PCDH11X: variants seen among roughly 807,000 people sequenced by gnomAD.
PCDH11X encodes protocadherin 11 X-linked.
A neutral mutation model predicts 53.3 loss-of-function variants in PCDH11X; 18 were observed. That is an observed-to-expected ratio of 0.34 (90% confidence interval 0.23 to 0.50). The LOEUF is 0.50. PCDH11X is among the 20% of genes least tolerant of loss of function. PCDH11X has a pLI of 0.98. For synonymous variants in PCDH11X, 279 were observed against 393.3 expected, an observed-to-expected ratio of 0.71 and a Z score of 3.44; for missense variants, 570 against 1,032.4, an observed-to-expected ratio of 0.55 and a Z score of 6.14.
intron 6 of PCDH11X, among the ~76,000 whole-genome samples, chrX:92,077,652 G>A (rs569520649): frequency 1.9e-5 from 2 of 107,101 alleles, no homozygotes; most frequent in South Asian, 8.0e-4. Flanking sequence ...AAGGAAGGAA[G>A]GAAGGAAGGA....
At chrX:92,474,283 T>C (rs1013380412) in intron 10 of PCDH11X, among the ~76,000 whole-genome samples, 23 of 111,122 alleles carry the variant, frequency 2.1e-4, no homozygotes, top group African/African-American at 7.5e-4. Context: ...TCTTTTTTAG[T>C]TTTTATTGGC....
chrX:91,944,991 G>A (rs2061554619), intron 6 of PCDH11X, among the ~76,000 whole-genome samples: 1 of 91,596 alleles, frequency 1.1e-5, no homozygotes, highest in Non-Finnish European at 2.2e-5. Flanking sequence ...TATATTAACT[G>A]CTTAGAATTG....
chrX:92,094,231 G>T (rs2064098573), intron 6 of PCDH11X, among the ~76,000 whole-genome samples: 1 of 104,640 alleles, frequency 9.6e-6, no homozygotes, highest in Admixed American at 1.1e-4. Context: ...TGGTTGTTTT[G>T]TTGACATCCC....
chrX:92,217,768 C>A (rs1353043218), intron 7 of PCDH11X, among the ~76,000 whole-genome samples: 2 of 111,236 alleles, frequency 1.8e-5, no homozygotes, highest in Non-Finnish European at 3.8e-5. Flanking sequence ...CAGCACCACA[C>A]CACAACTCTT....
At chrX:91,954,644 T>C (rs1290228504) in intron 6 of PCDH11X, among the ~76,000 whole-genome samples, 2 of 110,675 alleles carry the variant, frequency 1.8e-5, no homozygotes, top group African/African-American at 6.6e-5. Context: ...TTTTTAATAA[T>C]AGCCATTCTG....
At chrX:92,133,241 A>G (rs1259799484) in intron 6 of PCDH11X, among the ~76,000 whole-genome samples, 5 of 112,136 alleles carry the variant, frequency 4.5e-5, no homozygotes, top group African/African-American at 1.6e-4. Flanking sequence ...ATATTTTGCT[A>G]TTATCAAGTC....
At chrX:91,793,518 T>C (rs1935630753) in intron 1 of PCDH11X, among the ~76,000 whole-genome samples, 1 of 110,416 alleles carries the variant, frequency 9.1e-6, no homozygotes, top group South Asian at 3.9e-4. Context: ...CAGTAGTCAA[T>C]AGTGGACTAG....
intron 7 of PCDH11X, among the ~76,000 whole-genome samples, chrX:92,228,794 C>T (rs888596815): frequency 2.7e-5 from 3 of 112,011 alleles, no homozygotes; most frequent in Admixed American, 9.5e-5. Context: ...ATCTAGGCCA[C>T]TTGCACTATT....
chrX:92,146,298 C>T (rs1225985066), intron 6 of PCDH11X, among the ~76,000 whole-genome samples: 1 of 110,912 alleles, frequency 9.0e-6, no homozygotes, highest in Non-Finnish European at 1.9e-5. Flanking sequence ...GTCTATTAAA[C>T]TGGAAACTTG....
chrX:91,942,021 G>A (rs756120050), intron 6 of PCDH11X, among the ~76,000 whole-genome samples: 1 of 110,067 alleles, frequency 9.1e-6, no homozygotes, highest in Admixed American at 9.8e-5. Flanking sequence ...CAGAATTTCC[G>A]TGATGCTACT....
intron 6 of PCDH11X, among the ~76,000 whole-genome samples, chrX:92,013,500 A>G (rs1346955488): frequency 9.0e-6 from 1 of 111,632 alleles, no homozygotes; most frequent in Admixed American, 9.5e-5. Context: ...TCAAGCTACC[A>G]ATGACTTTCT....
At chrX:92,073,352 A>G (rs1163959527) in intron 6 of PCDH11X, among the ~76,000 whole-genome samples, 1 of 112,512 alleles carries the variant, frequency 8.9e-6, no homozygotes, top group Non-Finnish European at 1.9e-5. Context: ...ATAGGCTTCT[A>G]TTCCATCATC....
intron 6 of PCDH11X, among the ~76,000 whole-genome samples, chrX:92,047,302 TA>T (rs747416379): frequency 1.5e-4 from 16 of 107,063 alleles, no homozygotes; most frequent in Non-Finnish European, 3.0e-4. Context: ...GAAATGTAAA[TA>T]TTTTTGGTCC....
intron 8 of PCDH11X, among the ~76,000 whole-genome samples, chrX:92,291,872 A>AG (rs2068500263): frequency 3.2e-5 from 1 of 31,329 alleles, no homozygotes; most frequent in Non-Finnish European, 5.6e-5. Context: ...TGTCTCAAAA[A>AG]CAAAAAAAAA....
intron 7 of PCDH11X, among the ~76,000 whole-genome samples, chrX:92,204,348 A>G (rs188157890): frequency 6.3e-5 from 7 of 111,888 alleles, no homozygotes. Context: ...ACTCTTTGCC[A>G]CTTAGAAATT....
At chrX:91,990,997 T>C (rs1467326619) in intron 6 of PCDH11X, among the ~76,000 whole-genome samples, 1 of 104,404 alleles carries the variant, frequency 9.6e-6, no homozygotes, top group East Asian at 3.1e-4. Flanking sequence ...GCTTTGCACC[T>C]GAAAGGGGGA....
chrX:92,061,646 A>G (rs1365485531), intron 6 of PCDH11X, among the ~76,000 whole-genome samples: 1 of 109,200 alleles, frequency 9.2e-6, no homozygotes, highest in Admixed American at 9.9e-5. Context: ...CTTCTGTTCC[A>G]TTGGTCAGTG....
intron 6 of PCDH11X, among the ~76,000 whole-genome samples, chrX:92,051,817 T>G (rs915736036): frequency 5.4e-5 from 6 of 110,787 alleles, no homozygotes; most frequent in African/African-American, 1.6e-4. Flanking sequence ...TACAACTGTC[T>G]GAATATACTG....
chrX:92,259,409 G>A (rs754934178), intron 7 of PCDH11X, among the ~76,000 whole-genome samples: 2 of 111,359 alleles, frequency 1.8e-5, no homozygotes, highest in South Asian at 7.6e-4. Context: ...CAATCATGGT[G>A]GAAGGCAAAG....
Sources: gnomAD v4.1 joint callset for allele counts (sites outside exome capture counted in the v4.1 genomes callset) on GRCh38, gnomAD v4.1.1 for gene constraint, MANE v1.5 for transcripts, NCBI Gene and HGNC (gene_info 2026-07-23, HGNC 2026-07-21) for gene names.